KCNK2: variants seen among roughly 807,000 people sequenced by gnomAD.
KCNK2 encodes potassium channel subfamily K member 2.
Under a neutral mutation model 40.5 loss-of-function variants are expected in KCNK2, and 21 were observed. The observed-to-expected ratio is 0.52, with a 90% confidence interval of 0.37 to 0.75. The LOEUF (loss-of-function observed/expected upper bound fraction) is 0.75. KCNK2 is among the 30% of genes least tolerant of loss of function. The pLI, the probability that KCNK2 is intolerant of heterozygous loss-of-function variation, is 0.00. For synonymous variants in KCNK2, 191 were observed against 202.2 expected, an observed-to-expected ratio of 0.94 and a Z score of 0.47; for missense variants, 399 against 531.6, an observed-to-expected ratio of 0.75 and a Z score of 2.45.
At chr1:215,204,503 A>G (rs1665225704) in intron 6 of KCNK2, among the ~76,000 whole-genome samples, 1 of 152,176 alleles carries the variant, frequency 6.6e-6, no homozygotes, top group Non-Finnish European at 1.5e-5. Flanking sequence ...GCATCAAGAT[A>G]TAATATTATT....
chr1:215,156,500 T>C (rs1202796275), intron 3 of KCNK2, among the ~76,000 whole-genome samples: 1 of 152,194 alleles, frequency 6.6e-6, no homozygotes, highest in Non-Finnish European at 1.5e-5. Context: ...CTCTGTAATG[T>C]GTTGGTAAAT....
At chr1:215,062,139 G>A (rs1382873449) in intron 1 of KCNK2, among the ~76,000 whole-genome samples, 1 of 152,072 alleles carries the variant, frequency 6.6e-6, no homozygotes, top group Non-Finnish European at 1.5e-5. Context: ...TTAAACACCA[G>A]ACAGGTCTCT....
intron 1 of KCNK2, among the ~76,000 whole-genome samples, chr1:215,058,605 C>G (rs11120479): frequency 0.26 from 39,277 of 152,050 alleles, 5,912 homozygotes; most frequent in South Asian, 0.56. Context: ...AGTAATCCCC[C>G]ACTTCCAATT....
At chr1:215,082,688 T>G (rs1571891012), upstream of KCNK2, among the ~76,000 whole-genome samples, 2 of 146,500 alleles carry the variant, frequency 1.4e-5, no homozygotes, top group African/African-American at 2.5e-5. Flanking sequence ...GCCCTGGCGG[T>G]GAGACAGGAG....
intron 1 of KCNK2, among the ~76,000 whole-genome samples, chr1:215,062,006 T>C (rs1658377946): frequency 6.6e-6 from 1 of 152,166 alleles, no homozygotes. Context: ...AAATTATTAA[T>C]AAATTATACA....
chr1:215,102,437 TAA>T (rs1470645100), intron 2 of KCNK2, among the ~76,000 whole-genome samples: 1 of 152,076 alleles, frequency 6.6e-6, no homozygotes, highest in East Asian at 1.9e-4. Flanking sequence ...TGTTTTAACC[TAA>T]GTTATTACAA....
chr1:215,203,924 G>A (rs1477126326), intron 6 of KCNK2, among the ~76,000 whole-genome samples: 1 of 150,546 alleles, frequency 6.6e-6, no homozygotes, highest in East Asian at 2.0e-4. Flanking sequence ...TGTAGTCCCA[G>A]CTACTCGGGA....
chr1:215,121,309 A>G (rs1661180208), intron 2 of KCNK2, among the ~76,000 whole-genome samples: 1 of 152,130 alleles, frequency 6.6e-6, no homozygotes, highest in South Asian at 2.1e-4. Flanking sequence ...ATTTTTTGAG[A>G]CAGGGTTTTG....
At chr1:215,165,471 C>A (rs1663401010) in intron 3 of KCNK2, among the ~76,000 whole-genome samples, 1 of 152,104 alleles carries the variant, frequency 6.6e-6, no homozygotes, top group Non-Finnish European at 1.5e-5. Context: ...ATTAACCTGG[C>A]TATTAAATAG....
chr1:215,095,351 TAGCAA>T (rs1659933032), intron 2 of KCNK2, among the ~76,000 whole-genome samples: 1 of 152,102 alleles, frequency 6.6e-6, no homozygotes, highest in African/African-American at 2.4e-5. Flanking sequence ...AACACATGTC[TAGCAA>T]TAATAGATAC....
chr1:215,086,785 C>T, intron 2 of KCNK2, 107 bp downstream of exon 2: 1 of 936,018 alleles, frequency 1.1e-6, no homozygotes, highest in South Asian at 1.6e-5. Context: ...GGTGGGAGCC[C>T]TATCCCACCT....
chr1:215,222,177 C>T (rs540995571), intron 6 of KCNK2, among the ~76,000 whole-genome samples: 1 of 152,312 alleles, frequency 6.6e-6, no homozygotes, highest in South Asian at 2.1e-4. Context: ...CCCCAGTCCC[C>T]ACCTCCATCC....
At chr1:215,094,998 CTCAG>C (rs1249013231) in intron 2 of KCNK2, among the ~76,000 whole-genome samples, 1 of 152,014 alleles carries the variant, frequency 6.6e-6, no homozygotes, top group African/African-American at 2.4e-5. Context: ...AAATGTAGAG[CTCAG>C]TCAGACAGAC....
intron 5 of KCNK2, among the ~76,000 whole-genome samples, chr1:215,176,318 C>T (rs1663969043): frequency 6.6e-6 from 1 of 151,940 alleles, no homozygotes; most frequent in African/African-American, 2.4e-5. Flanking sequence ...TGTTCATGCC[C>T]TTTGCCCACT....
intron 1 of KCNK2, among the ~76,000 whole-genome samples, chr1:215,012,689 T>A (rs1407097078): frequency 6.6e-6 from 1 of 150,964 alleles, no homozygotes; most frequent in East Asian, 1.9e-4. Flanking sequence ...CCTTGCTATG[T>A]TGCCCAGTTT....
At chr1:215,177,591 C>T (rs1456951748) in intron 5 of KCNK2, among the ~76,000 whole-genome samples, 1 of 151,464 alleles carries the variant, frequency 6.6e-6, no homozygotes, top group Non-Finnish European at 1.5e-5. Context: ...GCTATCCCAG[C>T]ACCATTTATT....
rs148765587 is a variant in KCNK2 at position 215,054,566 on chromosome 1, C to T, written c.35-31802C>T. ...GCACTGCACACCCACCGCTGTTCTA[C>T]CGAGCTTTGCTGGGGACAGGAAAGC... On this transcript the variant is annotated intron_variant, in intron 1 of 6. Transcript: ENST00000391895. Among the ~76,000 whole-genome samples, 4 of 152,320 alleles carry T rather than the reference C, an allele frequency of 2.6e-5. No individual in the cohort carries two copies. The East Asian group carries it at 5.8e-4, about 22-fold the overall frequency.
intron 6 of KCNK2, among the ~76,000 whole-genome samples, chr1:215,230,470 T>G (rs1009994463): frequency 8.1e-6 from 1 of 123,570 alleles, no homozygotes; most frequent in African/African-American, 3.6e-5. Context: ...TGGCTGTAGA[T>G]ATATATATAC....
intron 1 of KCNK2, among the ~76,000 whole-genome samples, chr1:215,052,307 ATAACT>A (rs1474038218): frequency 6.6e-6 from 1 of 152,236 alleles, no homozygotes; most frequent in Admixed American, 6.5e-5. Context: ...GAGAAATGAC[ATAACT>A]TGATTGCAGT....
Sources: allele counts gnomAD v4.1 joint callset (sites outside exome capture counted in the v4.1 genomes callset), GRCh38; gene constraint gnomAD v4.1.1; transcripts MANE v1.5; gene names NCBI Gene and HGNC (gene_info 2026-07-23, HGNC 2026-07-21).